Variants in CNTN5 observed in about 807,000 individuals in gnomAD.
CNTN5 encodes contactin-5.
CNTN5 carries 77 observed loss-of-function variants against 129.1 expected under a neutral mutation model. That is an observed-to-expected ratio of 0.60 (90% CI 0.50 to 0.72). The LOEUF (loss-of-function observed/expected upper bound fraction) is 0.72. Ranked by LOEUF, CNTN5 falls within the 30% of genes least tolerant of loss-of-function variation. CNTN5 has a pLI of 0.00. For missense variants in CNTN5, 1,478 were observed against 1,328.8 expected, an observed-to-expected ratio of 1.11 and a Z score of -1.75; for synonymous variants, 509 against 465.6, an observed-to-expected ratio of 1.09 and a Z score of -1.20.
intron 1 of CNTN5, among the ~76,000 whole-genome samples, chr11:99,132,503 C>T (rs980573028): frequency 4.6e-5 from 7 of 152,074 alleles, no homozygotes; most frequent in African/African-American, 1.7e-4. Context: ...ATCTAGAAAA[C>T]CCCATTGACT....
chr11:99,597,309 A>G (rs1950156563), intron 3 of CNTN5, among the ~76,000 whole-genome samples: 1 of 152,118 alleles, frequency 6.6e-6, no homozygotes, highest in Admixed American at 6.6e-5. Context: ...TTCTATCCCA[A>G]TTAGTTAAAT....
At chr11:100,270,032 A>G (rs771970270) in intron 17 of CNTN5, among the ~76,000 whole-genome samples, 1 of 152,192 alleles carries the variant, frequency 6.6e-6, no homozygotes. Flanking sequence ...CTCAGTTGCC[A>G]GTGCAGCAAG....
intron 7 of CNTN5, among the ~76,000 whole-genome samples, chr11:99,956,574 G>C (rs1412955059): frequency 6.6e-6 from 1 of 152,100 alleles, no homozygotes; most frequent in Non-Finnish European, 1.5e-5. Flanking sequence ...CATTGGAATT[G>C]AAAGAATAAA....
chr11:100,207,422 A>G (rs1241582400), intron 15 of CNTN5, among the ~76,000 whole-genome samples: 1 of 152,134 alleles, frequency 6.6e-6, no homozygotes, highest in Non-Finnish European at 1.5e-5. Flanking sequence ...CTATAAAACC[A>G]AAGAATTTAC....
intron 1 of CNTN5, among the ~76,000 whole-genome samples, chr11:99,241,752 T>C (rs1861570382): frequency 6.6e-6 from 1 of 152,150 alleles, no homozygotes; most frequent in African/African-American, 2.4e-5. Context: ...TCCTTGAAGA[T>C]CACAATTCAC....
rs578097521 is a variant in CNTN5, at chr11:99,849,184, T to A, written c.577+3922T>A. 1.3e-4 allele frequency among the ~76,000 whole-genome samples: 20 copies of A among 151,712 alleles called. No homozygotes were observed. In the South Asian group the frequency reaches 3.9e-3, roughly 30 times the overall value. On this transcript the variant is annotated intron_variant, in intron 6 of 24. Transcript: ENST00000524871. ...TATCAAATTATCCATATACTAACAA[T>A]TATTATACATATTTATTGTGATAAG... is the stretch of plus-strand genomic sequence containing the variant.
intron 16 of CNTN5, among the ~76,000 whole-genome samples, chr11:100,253,844 A>T (rs1950017823): frequency 6.6e-6 from 1 of 152,174 alleles, no homozygotes; most frequent in African/African-American, 2.4e-5. Flanking sequence ...AGATAAACAA[A>T]AACCAACTTC....
intron 1 of CNTN5, among the ~76,000 whole-genome samples, chr11:99,282,287 A>G (rs187321259): frequency 2.5e-4 from 38 of 152,208 alleles, no homozygotes; most frequent in African/African-American, 8.7e-4. Flanking sequence ...TGACAGAGAA[A>G]AAGAAATAGA....
chr11:99,300,657 A>G (rs1864596188), intron 1 of CNTN5, among the ~76,000 whole-genome samples: 1 of 152,076 alleles, frequency 6.6e-6, no homozygotes, highest in Non-Finnish European at 1.5e-5. Context: ...GAGAGGAATT[A>G]TGATATCTCT....
intron 1 of CNTN5, among the ~76,000 whole-genome samples, chr11:99,088,630 C>G (rs574801496): frequency 6.6e-6 from 1 of 152,210 alleles, no homozygotes; most frequent in East Asian, 1.9e-4. Flanking sequence ...AAGGTTGCCT[C>G]CCAATAAAGA....
chr11:100,280,847 GT>G (rs1950620420), intron 18 of CNTN5, among the ~76,000 whole-genome samples: 1 of 151,976 alleles, frequency 6.6e-6, no homozygotes, highest in African/African-American at 2.4e-5. Context: ...TCCCTTGTAA[GT>G]TTTTTGCTTT....
chr11:99,074,917 T>C (rs1348216390), intron 1 of CNTN5, among the ~76,000 whole-genome samples: 1 of 152,188 alleles, frequency 6.6e-6, no homozygotes, highest in African/African-American at 2.4e-5. Context: ...ACTAAAATAA[T>C]TGGGATGATG....
intron 1 of CNTN5, among the ~76,000 whole-genome samples, chr11:99,292,474 C>T (rs1458119050): frequency 2.0e-5 from 3 of 151,886 alleles, no homozygotes; most frequent in Admixed American, 6.6e-5. Flanking sequence ...TTTCTCTTGT[C>T]GAATTGCTCT....
intron 1 of CNTN5, among the ~76,000 whole-genome samples, chr11:99,269,510 T>C (rs528699985): frequency 6.6e-6 from 1 of 152,026 alleles, no homozygotes; most frequent in East Asian, 1.9e-4. Flanking sequence ...AGGTACGTGA[T>C]TGTAAACAAG....
chr11:99,853,686 A>G (rs1006885582), intron 6 of CNTN5, among the ~76,000 whole-genome samples: 2 of 152,156 alleles, frequency 1.3e-5, no homozygotes, highest in African/African-American at 4.8e-5. Context: ...GGCTTTATAT[A>G]TATTTTAAAA....
chr11:99,772,229 G>T (rs1944971255), intron 3 of CNTN5, among the ~76,000 whole-genome samples: 3 of 151,800 alleles, frequency 2.0e-5, no homozygotes, highest in Admixed American at 6.6e-5. Flanking sequence ...GGTGATTTAA[G>T]ATTGTTGACT....
chr11:99,586,514 G>A (rs1314075256), intron 3 of CNTN5, among the ~76,000 whole-genome samples: 1 of 152,148 alleles, frequency 6.6e-6, no homozygotes. Flanking sequence ...AATGCCCGCA[G>A]TCTTTGCCTT....
At chr11:99,681,615 G>C (rs1375801290) in intron 3 of CNTN5, among the ~76,000 whole-genome samples, 1 of 152,008 alleles carries the variant, frequency 6.6e-6, no homozygotes, top group African/African-American at 2.4e-5. Flanking sequence ...GTGTAAACAT[G>C]AATTTTATAA....
At chr11:99,779,159 A>G (rs1945227110) in intron 3 of CNTN5, among the ~76,000 whole-genome samples, 2 of 151,936 alleles carry the variant, frequency 1.3e-5, no homozygotes. Context: ...TAGGAGGAAA[A>G]ACAGTTTTCA....
Sources: allele counts gnomAD v4.1 joint callset (sites outside exome capture counted in the v4.1 genomes callset), GRCh38; gene constraint gnomAD v4.1.1; transcripts MANE v1.5; gene names NCBI Gene and HGNC (gene_info 2026-07-23, HGNC 2026-07-21).